The following MAN2A1 variants were observed in gnomAD, a reference collection of about 807,000 sequenced individuals.
MAN2A1 encodes the protein alpha-mannosidase 2.
MAN2A1 carries 76 observed loss-of-function variants against 142.6 expected under a neutral mutation model. The ratio of observed to expected loss-of-function variants is 0.53; its 90% CI spans 0.44 to 0.65. MAN2A1 has a LOEUF of 0.65. Among genes scored for constraint, MAN2A1 ranks in the 30% least tolerant of loss-of-function variants. MAN2A1 has a pLI of 0.00. For missense variants in MAN2A1, 1,311 were observed against 1,365.1 expected, an observed-to-expected ratio of 0.96 and a Z score of 0.62; for synonymous variants, 559 against 473.2, an observed-to-expected ratio of 1.18 and a Z score of -2.35.
intron 19 of MAN2A1, among the ~76,000 whole-genome samples, chr5:109,849,402 C>T (rs959515244): frequency 6.6e-6 from 1 of 152,122 alleles, no homozygotes; most frequent in Non-Finnish European, 1.5e-5. Context: ...CATAATCTCT[C>T]TTCTCTCCCA....
At chr5:109,782,989 A>G (rs932611581) in intron 9 of MAN2A1, among the ~76,000 whole-genome samples, 2 of 152,104 alleles carry the variant, frequency 1.3e-5, no homozygotes, top group African/African-American at 4.8e-5. Context: ...TAATGTTTAC[A>G]TATTATAGTG....
At chr5:109,739,210 T>G (rs1752196710) in intron 4 of MAN2A1, among the ~76,000 whole-genome samples, 1 of 152,152 alleles carries the variant, frequency 6.6e-6, no homozygotes, top group Non-Finnish European at 1.5e-5. Flanking sequence ...TATATAATGC[T>G]TCATTGAAGG....
At chr5:109,732,240 T>C (rs1284326553) in intron 4 of MAN2A1, among the ~76,000 whole-genome samples, 1 of 151,054 alleles carries the variant, frequency 6.6e-6, no homozygotes, top group African/African-American at 2.4e-5. Flanking sequence ...TTGTTTGAGT[T>C]CATTGTAGAT....
intron 18 of MAN2A1, 71 bp downstream of exon 18, chr5:109,846,077 A>C: frequency 7.2e-7 from 1 of 1,390,474 alleles, no homozygotes; most frequent in Non-Finnish European, 9.7e-7. Context: ...TCTGTTGGTC[A>C]GATGTGGTAT....
chr5:109,702,696 G>T (rs1179111531), intron 1 of MAN2A1, among the ~76,000 whole-genome samples: 1 of 152,152 alleles, frequency 6.6e-6, no homozygotes, highest in East Asian at 1.9e-4. Context: ...TTAAACAAAA[G>T]AGATTTGAGA....
At chr5:109,832,161 C>CTTT (rs70999945) in intron 16 of MAN2A1, among the ~76,000 whole-genome samples, 6,444 of 51,194 alleles carry the variant, frequency 0.13, 672 homozygotes, top group East Asian at 0.52. Flanking sequence ...AAGGAGTTTT[C>CTTT]TTTTTTTTTT....
chr5:109,693,801 A>G (rs1044112329), intron 1 of MAN2A1, among the ~76,000 whole-genome samples: 2 of 152,208 alleles, frequency 1.3e-5, no homozygotes, highest in Admixed American at 6.5e-5. Flanking sequence ...TTGGAGGACT[A>G]GAGGCAACAG....
rs1031060577 is a variant in MAN2A1, at chr5:109,755,419, A to G, written c.798A>G (p.Gln266=). The G allele has an allele frequency of 6.2e-6, 10 of 1,610,936 alleles. No individual in the cohort carries two copies. The highest frequency in any genetic ancestry group is 8.5e-6 in the Non-Finnish European group (10 of 1,177,136). ...CACATTATTTTGCCTTAATTGATCA[A>G]CTAATTGAAGGACATCAGTGGCTGG... is the stretch of plus-strand genomic sequence containing the variant. ...ATPHYFALID[Q]LIEGHQWLEN... Residue 266 remains glutamine, a synonymous_variant, in exon 5 of 22, where the codon CAA becomes CAG. Coordinates refer to ENST00000261483, the MANE Select transcript of MAN2A1 (RefSeq NM_002372.4).
intron 1 of MAN2A1, among the ~76,000 whole-genome samples, chr5:109,701,844 C>G (rs1750993034): frequency 6.6e-6 from 1 of 152,104 alleles, no homozygotes; most frequent in Non-Finnish European, 1.5e-5. Flanking sequence ...GTGTTGGAGA[C>G]TGGTTGTACT....
chr5:109,770,182 C>A (rs1427494106), intron 6 of MAN2A1, among the ~76,000 whole-genome samples, 173 bp from the exon 7 acceptor site: 2 of 152,180 alleles, frequency 1.3e-5, no homozygotes, highest in Non-Finnish European at 2.9e-5. Flanking sequence ...TATCTTCCTT[C>A]AGACAGGTGG....
chr5:109,830,411 G>A (rs978402522), intron 16 of MAN2A1, among the ~76,000 whole-genome samples: 1 of 152,172 alleles, frequency 6.6e-6, no homozygotes, highest in African/African-American at 2.4e-5. Context: ...AATCTCTTGT[G>A]CCTGACTCCC....
At chr5:109,699,865 A>G (rs1054407338) in intron 1 of MAN2A1, 2 of 136,386 alleles carry the variant, frequency 1.5e-5, no homozygotes, top group Non-Finnish European at 3.4e-5. Context: ...AAAAAATGTT[A>G]AAAAAAAGAA....
chr5:109,781,584 G>A lies in MAN2A1; in HGVS notation c.1563G>A (p.Met521Ile). Residue 521 changes from methionine to isoleucine, a missense_variant, in exon 9 of 22, where the codon ATG becomes ATA. Physicochemically the swap from Met to Ile is conservative, Grantham distance 10 (BLOSUM62 1). Around this residue, in one of 3 missense-constraint regions of MAN2A1, gnomAD observed 890 missense variants for 920.5 expected, o/e 0.97. Transcript: ENST00000261483. Reference sequence around the variant, plus strand: ...TTTACAAACGAATGGACAGAATCATGGAATCTCATTTAAGGTACTTTTACC... The same window carrying A: ...TTTACAAACGAATGGACAGAATCATAGAATCTCATTTAAGGTACTTTTACC... ...RPFYKRMDRI[M>I]ESHLRAAEIL... 1 of 1,597,342 alleles carries A rather than the reference G, an allele frequency of 6.3e-7. No homozygotes were observed. The highest frequency in any genetic ancestry group is 8.5e-7 in the Non-Finnish European group (1 of 1,174,744).
chr5:109,763,256 A>G (rs182490755), intron 5 of MAN2A1, among the ~76,000 whole-genome samples: 176 of 152,284 alleles, frequency 1.2e-3, no homozygotes, highest in Admixed American at 2.4e-3. Flanking sequence ...GGCCTTCCAT[A>G]AATTTTATTT....
At chr5:109,855,998 C>G (rs1330430570) in intron 20 of MAN2A1, among the ~76,000 whole-genome samples, 2 of 152,036 alleles carry the variant, frequency 1.3e-5, no homozygotes, top group Non-Finnish European at 2.9e-5. Flanking sequence ...TGGAAAATAT[C>G]TCATGGTAAA....
chr5:109,766,656 C>T (rs1331611124), intron 5 of MAN2A1, among the ~76,000 whole-genome samples: 1 of 151,892 alleles, frequency 6.6e-6, no homozygotes, highest in Non-Finnish European at 1.5e-5. Context: ...TGGGGTCTTT[C>T]ATCATCTTAG....
At chr5:109,832,713 C>T (rs1416199749) in intron 16 of MAN2A1, among the ~76,000 whole-genome samples, 13 of 152,084 alleles carry the variant, frequency 8.5e-5, no homozygotes, top group Non-Finnish European at 1.5e-4. Flanking sequence ...GGGTGGCGGC[C>T]GGGCAGAGGG....
chr5:109,827,354 C>T (rs996319415), intron 16 of MAN2A1, among the ~76,000 whole-genome samples: 5 of 152,166 alleles, frequency 3.3e-5, no homozygotes, highest in South Asian at 2.1e-4. Flanking sequence ...ACTAAACTAA[C>T]GCATACCTGA....
intron 12 of MAN2A1, among the ~76,000 whole-genome samples, chr5:109,799,887 A>G (rs1053459737): frequency 6.6e-6 from 1 of 152,148 alleles, no homozygotes; most frequent in African/African-American, 2.4e-5. Context: ...CAGGAGTTTG[A>G]GACCAGCCTG....
Sources: allele counts gnomAD v4.1 joint callset (sites outside exome capture counted in the v4.1 genomes callset), GRCh38; gene constraint gnomAD v4.1.1; regional missense constraint gnomAD v4.1.1; transcripts MANE v1.5; gene names NCBI Gene and HGNC (gene_info 2026-07-23, HGNC 2026-07-21).